The following HEPHL1 variants were observed in gnomAD, a reference collection of about 807,000 sequenced individuals.
HEPHL1 encodes the protein hephaestin like 1.
A neutral mutation model predicts 122.0 loss-of-function variants in HEPHL1; 123 were observed. The ratio of observed to expected loss-of-function variants is 1.01; its 90% CI spans 0.87 to 1.17. HEPHL1 has a LOEUF of 1.17. Ranked by LOEUF, HEPHL1 falls within the 50% of genes most tolerant of loss-of-function variation. The pLI is 0.00. For missense variants in HEPHL1, 1,452 were observed against 1,430.5 expected (o/e 1.01, Z -0.24); for synonymous variants, 527 against 508.9 (o/e 1.04, Z -0.48).
intron 1 of HEPHL1, among the ~76,000 whole-genome samples, chr11:94,039,370 T>C (rs1159307211): frequency 6.6e-6 from 1 of 152,122 alleles, no homozygotes; most frequent in Non-Finnish European, 1.5e-5. Flanking sequence ...ACCAAGCAGA[T>C]CTAATTGACA....
chr11:94,033,276 G>T (rs1272152473), intron 1 of HEPHL1, among the ~76,000 whole-genome samples: 1 of 152,176 alleles, frequency 6.6e-6, no homozygotes, highest in Non-Finnish European at 1.5e-5. Context: ...GATTGAGGTT[G>T]CTGCAGGCCC....
At chr11:94,101,082 G>A (rs923733722) in intron 13 of HEPHL1, 113 bp from the exon 14 acceptor site, 93 of 1,188,738 alleles carry the variant, frequency 7.8e-5, no homozygotes, top group Non-Finnish European at 9.8e-5. Context: ...TGCCTTTCTC[G>A]GAAAAACAAC....
intron 2 of HEPHL1, among the ~76,000 whole-genome samples, chr11:94,052,774 T>G (rs1814882759): frequency 6.6e-6 from 1 of 152,160 alleles, no homozygotes; most frequent in African/African-American, 2.4e-5. Context: ...TGATATATAT[T>G]GCATTAACTA....
In HEPHL1 at chr11:94,088,973, C is replaced by G; in HGVS notation, c.2294+5C>G. 1 of 1,613,708 alleles carries G rather than the reference C, an allele frequency of 6.2e-7. No homozygotes were observed. The highest frequency in any genetic ancestry group is 1.3e-5 in the African/African-American group (1 of 75,044). On this transcript the variant is annotated splice_donor_5th_base_variant and intron_variant, in intron 12 of 19. Transcript: ENST00000315765. ...CGTGGACGCAAGAGGGGAAAGGTAC[C>G]ACAGGCGCCGCCGCTAGGGCTCCTC...
intron 1 of HEPHL1, among the ~76,000 whole-genome samples, chr11:94,041,311 C>G (rs1036821530): frequency 6.9e-6 from 1 of 145,798 alleles, no homozygotes; most frequent in African/African-American, 2.6e-5. Flanking sequence ...AGGTAATTTA[C>G]AGATTCAATG....
At chr11:94,104,337 G>A (rs989635406) in intron 15 of HEPHL1, among the ~76,000 whole-genome samples, 191 bp from the exon 16 acceptor site, 3 of 152,222 alleles carry the variant, frequency 2.0e-5, no homozygotes, top group Non-Finnish European at 4.4e-5. Context: ...TTCTAGATAC[G>A]GGAGTATAAA....
rs1945933640 is a variant in HEPHL1 at position 94,056,073 on chromosome 11, T to A, written c.416-7435T>A. The A allele has an allele frequency of 1.0e-5, 4 of 385,746 alleles. No homozygotes were observed. The Admixed American group carries it at 1.3e-4, about 13-fold the overall frequency. 23.9% of individuals were successfully genotyped at this position (385,746 alleles called of 1,614,324 possible). On this transcript the variant is annotated intron_variant, in intron 2 of 19. Coordinates refer to ENST00000315765, the MANE Select transcript of HEPHL1 (RefSeq NM_001098672.2). Reference sequence around the variant, plus strand: ...TATTTTGATGCATTTTTGTTAGATATGAATACATTTATAATGTTATATTTT... The same window carrying A: ...TATTTTGATGCATTTTTGTTAGATAAGAATACATTTATAATGTTATATTTT...
chr11:94,098,877 G>A (rs1946342858), intron 13 of HEPHL1, among the ~76,000 whole-genome samples: 1 of 152,072 alleles, frequency 6.6e-6, no homozygotes, highest in Admixed American at 6.5e-5. Context: ...GTCATTTAAG[G>A]ACTTCTCTAC....
Position 94,102,882 on chromosome 11 carries a change from C to T in HEPHL1, c.2576-32C>T, listed in dbSNP as rs202194325. 9 of 1,064,266 alleles carry T rather than the reference C, an allele frequency of 8.5e-6. No homozygotes were observed. In the East Asian group the frequency reaches 2.1e-4, roughly 25 times the overall value. 65.9% of individuals were successfully genotyped at this position (1,064,266 alleles called of 1,614,324 possible). On this transcript the variant is annotated intron_variant, in intron 14 of 19. Coordinates refer to ENST00000315765, the MANE Select transcript of HEPHL1 (RefSeq NM_001098672.2). ...TAAATCATCTGAAACACAGATAATTCTAATAAATTTTTTCCATTTCATTTA... is the reference window on the plus strand; with the variant it reads ...TAAATCATCTGAAACACAGATAATTTTAATAAATTTTTTCCATTTCATTTA...
In HEPHL1 at chr11:94,059,931, C is replaced by T. The variant is rs1467739591; in HGVS notation, c.416-3577C>T. On this transcript the variant is annotated intron_variant, in intron 2 of 19. Coordinates refer to ENST00000315765, the MANE Select transcript of HEPHL1 (RefSeq NM_001098672.2). ...TCAATTCAAAATAAGTGATCTCAAT[C>T]GAAACTTCGAGACAAGTCCACTGCT... is the stretch of plus-strand genomic sequence containing the variant. Among the ~76,000 whole-genome samples, 15 of 151,792 alleles carry T rather than the reference C, an allele frequency of 9.9e-5. 1 individual carries two copies. The South Asian group carries it at 2.9e-3, about 29-fold the overall frequency.
At chr11:94,079,048 A>G (rs1311246084) in intron 9 of HEPHL1, among the ~76,000 whole-genome samples, 2 of 152,170 alleles carry the variant, frequency 1.3e-5, no homozygotes, top group Non-Finnish European at 2.9e-5. Flanking sequence ...AGGTTCTTCA[A>G]TGCAACTCCT....
At chr11:94,060,478 G>A (rs1173167790) in intron 2 of HEPHL1, among the ~76,000 whole-genome samples, 3 of 152,096 alleles carry the variant, frequency 2.0e-5, no homozygotes, top group African/African-American at 7.2e-5. Flanking sequence ...GTGCTTTATA[G>A]ATATCATATC....
intron 10 of HEPHL1, among the ~76,000 whole-genome samples, chr11:94,084,602 A>G (rs1946200569): frequency 6.6e-6 from 1 of 152,162 alleles, no homozygotes; most frequent in African/African-American, 2.4e-5. Context: ...TATTGAAAGA[A>G]AGAATGGATG....
At chr11:94,077,984 T>A (rs1946139770) in intron 9 of HEPHL1, among the ~76,000 whole-genome samples, 1 of 152,188 alleles carries the variant, frequency 6.6e-6, no homozygotes, top group South Asian at 2.1e-4. Context: ...CTTACCACCA[T>A]AAGACAGTTT....
intron 1 of HEPHL1, among the ~76,000 whole-genome samples, chr11:94,031,018 C>A (rs928772197): frequency 4.6e-5 from 7 of 152,212 alleles, no homozygotes; most frequent in Non-Finnish European, 1.0e-4. Context: ...CTCAATCCAA[C>A]AACACCCTTT....
chr11:94,098,856 A>T (rs1490992467), intron 13 of HEPHL1, among the ~76,000 whole-genome samples: 2 of 152,104 alleles, frequency 1.3e-5, no homozygotes, highest in Admixed American at 6.5e-5. Context: ...CATGGTTTTC[A>T]GCTCTATCAG....
At chr11:94,063,867 T>C (rs959960758) in intron 3 of HEPHL1, 147 bp downstream of exon 3, 12 of 651,024 alleles carry the variant, frequency 1.8e-5, no homozygotes, top group Admixed American at 1.1e-4. Context: ...TCTGACACCA[T>C]AGCAGAGGGC....
At chr11:94,107,014 C>G (rs1212606080) in intron 17 of HEPHL1, among the ~76,000 whole-genome samples, 1 of 152,110 alleles carries the variant, frequency 6.6e-6, no homozygotes, top group African/African-American at 2.4e-5. Flanking sequence ...TATGTAAAAA[C>G]CCAACTGCCA....
Position 94,067,581 on chromosome 11 carries a change from G to T in HEPHL1, c.894G>T (p.Gly298=). 4 of 1,613,574 alleles carry T rather than the reference G, an allele frequency of 2.5e-6. No individual in the cohort carries two copies. The highest frequency in any genetic ancestry group is 3.4e-6 in the Non-Finnish European group (4 of 1,179,566). ...ESVSWHLFGM[G]NEIDIHSIYF... is the part of the protein sequence containing the mutation. ...TGTCCTGGCACCTATTTGGAATGGG[G>T]AATGAAATAGACATCCATTCTATCT... is the stretch of plus-strand genomic sequence containing the variant. The change falls in exon 5 of 20, where the codon GGG becomes GGT. Residue 298 remains glycine, a synonymous_variant. Transcript: ENST00000315765.
Sources: gnomAD v4.1 joint callset for allele counts (sites outside exome capture counted in the v4.1 genomes callset) on GRCh38, gnomAD v4.1.1 for gene constraint, MANE v1.5 for transcripts, NCBI Gene and HGNC (gene_info 2026-07-23, HGNC 2026-07-21) for gene names.